GALNT10: variants seen among roughly 807,000 people sequenced by gnomAD.
The protein encoded by GALNT10 is GalNAc transferase 10.
A neutral mutation model predicts 75.0 loss-of-function variants in GALNT10; 41 were observed. The ratio of observed to expected loss-of-function variants is 0.55; its 90% CI spans 0.43 to 0.71. GALNT10 has a LOEUF of 0.71. GALNT10 is among the 30% of genes least tolerant of loss of function. The pLI is 0.00. For missense variants in GALNT10, 727 were observed against 818.5 expected, an observed-to-expected ratio of 0.89 and a Z score of 1.36; for synonymous variants, 302 against 313.0, an observed-to-expected ratio of 0.96 and a Z score of 0.37.
chr5:154,313,350 G>T (rs1398220735), intron 3 of GALNT10, among the ~76,000 whole-genome samples: 2 of 149,740 alleles, frequency 1.3e-5, no homozygotes, highest in Admixed American at 6.7e-5. Context: ...CTTAAAACTA[G>T]ATATGACCTA....
At chr5:154,271,706 A>G (rs1438260587) in intron 1 of GALNT10, among the ~76,000 whole-genome samples, 1 of 152,200 alleles carries the variant, frequency 6.6e-6, no homozygotes, top group Non-Finnish European at 1.5e-5. Flanking sequence ...ATGTCCAGTC[A>G]TCTGTGACTC....
At chr5:154,301,551 CTTGTTTTT>C (rs1754357985) in intron 3 of GALNT10, among the ~76,000 whole-genome samples, 1 of 144,370 alleles carries the variant, frequency 6.9e-6, no homozygotes, top group African/African-American at 2.6e-5. Flanking sequence ...CTTGTTGCTT[CTTGTTTTT>C]TTGTTTTTTT....
At chr5:154,326,399 A>G (rs1198509525) in intron 3 of GALNT10, among the ~76,000 whole-genome samples, 2 of 152,246 alleles carry the variant, frequency 1.3e-5, no homozygotes, top group Admixed American at 1.3e-4. Flanking sequence ...GCTGTTTGCT[A>G]TGTACCCACA....
intron 1 of GALNT10, among the ~76,000 whole-genome samples, chr5:154,210,756 G>A (rs543710897): frequency 3.3e-5 from 5 of 152,260 alleles, no homozygotes; most frequent in African/African-American, 1.2e-4. Flanking sequence ...AAATAAATTA[G>A]ACATAAAGGA....
intron 1 of GALNT10, among the ~76,000 whole-genome samples, chr5:154,207,974 A>G (rs1460636536): frequency 2.6e-5 from 4 of 152,080 alleles, no homozygotes; most frequent in Non-Finnish European, 5.9e-5. Flanking sequence ...CATGTTGTCA[A>G]CCACTGTCAG....
intron 4 of GALNT10, among the ~76,000 whole-genome samples, chr5:154,344,215 T>C (rs1318067267): frequency 2.4e-5 from 3 of 124,406 alleles, no homozygotes; most frequent in African/African-American, 1.0e-4. Context: ...CTTTCTTTTT[T>C]TTTTTTTTTT....
intron 3 of GALNT10, among the ~76,000 whole-genome samples, chr5:154,326,501 C>T (rs79111303): frequency 2.6e-5 from 4 of 152,264 alleles, no homozygotes; most frequent in Non-Finnish European, 5.9e-5. Flanking sequence ...GCCCAAATAT[C>T]CATTAATTGA....
intron 8 of GALNT10, among the ~76,000 whole-genome samples, chr5:154,406,833 A>T (rs148256396): frequency 4.1e-4 from 62 of 152,278 alleles, no homozygotes; most frequent in Middle Eastern, 3.4e-3. Flanking sequence ...TAATAACCAC[A>T]TCCTAAGCCT....
chr5:154,356,266 G>C, intron 4 of GALNT10: 2 of 451,618 alleles, frequency 4.4e-6, no homozygotes, highest in Non-Finnish European at 8.9e-6. Context: ...CGTTGCTTTT[G>C]TGTCTTCCCA....
At position 154,312,680 on chromosome 5, in the gene GALNT10, G is replaced by A. The variant is rs537956450; in HGVS notation, c.401+14601G>A. On this transcript the variant is annotated intron_variant, in intron 3 of 11. Transcript: ENST00000297107. ...CCAGGTCCTTGCTTCTGGAAAAAGTGTGGCAAAAAACATCCTGGAACACAT... is the reference window on the plus strand; with the variant it reads ...CCAGGTCCTTGCTTCTGGAAAAAGTATGGCAAAAAACATCCTGGAACACAT... Among the ~76,000 whole-genome samples, 133 of 152,248 alleles carry A rather than the reference G, an allele frequency of 8.7e-4. 1 individual carries two copies. Among genetic ancestry groups the A allele is most frequent in the African/African-American group, 3.0e-3 (126 of 41,542 alleles).
intron 1 of GALNT10, among the ~76,000 whole-genome samples, chr5:154,207,455 C>T (rs1331567733): frequency 4.6e-5 from 7 of 152,158 alleles, no homozygotes; most frequent in Admixed American, 4.6e-4. Flanking sequence ...CTACAGAGTC[C>T]TGGGCCTTAA....
chr5:154,386,751 G>A (rs938185483), intron 7 of GALNT10: 1 of 529,742 alleles, frequency 1.9e-6, no homozygotes, highest in South Asian at 2.6e-5. Context: ...AGATTGAGAT[G>A]TCCAGCAAAT....
intron 1 of GALNT10, among the ~76,000 whole-genome samples, chr5:154,235,261 T>C (rs1198562867): frequency 3.9e-5 from 6 of 152,110 alleles, no homozygotes; most frequent in African/African-American, 9.7e-5. Flanking sequence ...GAACATTCAG[T>C]TGGGGGGCCT....
At chr5:154,396,135 G>A (rs1310237537) in intron 7 of GALNT10, among the ~76,000 whole-genome samples, 1 of 152,162 alleles carries the variant, frequency 6.6e-6, no homozygotes, top group African/African-American at 2.4e-5. Flanking sequence ...ACCCTTGGCA[G>A]TTCGTTTCTG....
At chr5:154,194,342 C>A (rs774519769) in intron 1 of GALNT10, among the ~76,000 whole-genome samples, 20 of 152,136 alleles carry the variant, frequency 1.3e-4, no homozygotes, top group African/African-American at 4.8e-4. Flanking sequence ...AAGCCTTGCC[C>A]ATCAGAAAGT....
intron 4 of GALNT10, among the ~76,000 whole-genome samples, chr5:154,370,328 T>G (rs1755546631): frequency 6.6e-6 from 1 of 152,112 alleles, no homozygotes; most frequent in Non-Finnish European, 1.5e-5. Flanking sequence ...AAAGAGACAG[T>G]GAGGAATTCC....
chr5:154,299,877 C>T (rs1754336018), intron 3 of GALNT10, among the ~76,000 whole-genome samples: 1 of 148,846 alleles, frequency 6.7e-6, no homozygotes. Flanking sequence ...CCCTATCACC[C>T]AGGCTGGAGT....
chr5:154,272,271 A>G lies in GALNT10; in HGVS notation c.160-22545A>G, dbSNP rs1394510197. Among the ~76,000 whole-genome samples the G allele has an allele frequency of 3.3e-5, 5 of 152,128 alleles. No homozygotes were observed. In the East Asian group the frequency reaches 7.7e-4, roughly 23 times the overall value. The stretch of plus-strand genomic sequence containing the variant: ...CTGAGGGAGCCATGCCAATCTGATT[A>G]ATTAAGGTAAATAGGGGAGTGATCG... On this transcript the variant is annotated intron_variant, in intron 1 of 11. Coordinates refer to ENST00000297107, the MANE Select transcript of GALNT10 (RefSeq NM_198321.4).
chr5:154,253,002 G>GTTTTTTTTTTTTTTT (rs373849888), intron 1 of GALNT10, among the ~76,000 whole-genome samples: 3 of 89,860 alleles, frequency 3.3e-5, no homozygotes, highest in Non-Finnish European at 6.6e-5. Flanking sequence ...TTTTTTAGTG[G>GTTTTTTTTTTTTTTT]TTTTTTTTTT....
Sources: gnomAD v4.1 joint callset for allele counts (sites outside exome capture counted in the v4.1 genomes callset) on GRCh38, gnomAD v4.1.1 for gene constraint, MANE v1.5 for transcripts, NCBI Gene and HGNC (gene_info 2026-07-23, HGNC 2026-07-21) for gene names.